B3GNT6: variants seen among roughly 807,000 people sequenced by gnomAD.
B3GNT6 encodes acetylgalactosaminyl-O-glycosyl-glycoprotein beta-1,3-N-acetylglucosaminyltransferase.
For synonymous variants in B3GNT6, 300 were observed against 270.0 expected, an observed-to-expected ratio of 1.11 and a Z score of -1.09; for missense variants, 624 against 568.6, an observed-to-expected ratio of 1.10 and a Z score of -0.99.
chr11:77,038,187 G>A (rs1428519357), intron 1 of B3GNT6, among the ~76,000 whole-genome samples: 1 of 144,628 alleles, frequency 6.9e-6, no homozygotes, highest in Non-Finnish European at 1.5e-5. Context: ...TATTAGAGAG[G>A]GGGAACTGAG....
In B3GNT6 at chr11:77,040,240, C is replaced by T. The variant is rs782288659; in HGVS notation, c.689C>T (p.Ala230Val). ...GACGACGACGTGTTCGTGCACACCG[C>T]CAACGTAGTCCGCTTCCTGCAGGCG... Reference protein sequence around the residue: ...SGDDDVFVHTANVVRFLQAQP... With the variant: ...SGDDDVFVHTVNVVRFLQAQP... Residue 230 changes from alanine to valine, a missense_variant, in exon 2 of 2, where the codon GCC (alanine) becomes GTC (valine). Ala to Val is a moderately conservative substitution (Grantham distance 64). Coordinates refer to ENST00000622824, the MANE Select transcript of B3GNT6 (RefSeq NM_138706.5). The T allele has an allele frequency of 2.6e-5, 42 of 1,598,788 alleles. No homozygotes were observed. The highest frequency in any genetic ancestry group is 5.3e-5 in the African/African-American group (4 of 74,920).
chr11:77,039,725 C>T lies in B3GNT6; in HGVS notation c.174C>T (p.Asp58=), dbSNP rs781837961. 2 of 1,605,360 alleles carry T rather than the reference C, an allele frequency of 1.2e-6. No homozygotes were observed. Among genetic ancestry groups the T allele is most frequent in the Middle Eastern group, 1.7e-4 (1 of 5,862 alleles). Residue 58 remains aspartate, a synonymous_variant, in exon 2 of 2, where the codon GAC becomes GAT. Transcript: ENST00000622824. ...PEGPTDAPAA[D]EPPSELVPGP... is the part of the protein sequence containing the mutation. ...GTCCCACCGACGCTCCCGCGGCTGA[C>T]GAGCCGCCCTCGGAGCTCGTCCCCG...
At position 77,040,912 on chromosome 11, in the gene B3GNT6, AC is replaced by A; in HGVS notation, c.*209del. 1.3e-6 allele frequency: 1 copy of A among 764,928 alleles called. No individual in the cohort carries two copies. The allele number at this position is 764,928 out of a possible 1,614,324, so 47.4% of individuals were successfully genotyped here. ...TTTCGATTTGATTAGTCTGGGGTGG[AC>A]CCAGACATGTTAAGTATTTTTTAAG... On this transcript the variant is annotated 3_prime_UTR_variant, in exon 2 of 2. Transcript: ENST00000622824.
At position 77,040,769 on chromosome 11, in the gene B3GNT6, C is replaced by G. The variant is rs72949250; in HGVS notation, c.*63C>G. ...TGTCCATGCTGAGAAGGCAGCTTTC[C>G]CGCTCTGGGTACCTTACGTCCTGCC... On this transcript the variant is annotated 3_prime_UTR_variant, in exon 2 of 2. Transcript: ENST00000622824. 8.1e-5 allele frequency: 121 copies of G among 1,491,324 alleles called. No individual in the cohort carries two copies. The highest frequency in any genetic ancestry group is 1.1e-4 in the Non-Finnish European group (119 of 1,128,178). The allele number at this position is 1,491,324 out of a possible 1,614,324, so 92.4% of individuals were successfully genotyped here.
In B3GNT6 at chr11:77,040,539, C is replaced by T. The variant is rs1489924530; in HGVS notation, c.988C>T (p.Arg330Ter). 6 of 1,571,218 alleles carry T rather than the reference C, an allele frequency of 3.8e-6. No individual in the cohort carries two copies. The African/African-American group carries it at 5.4e-5, about 14-fold the overall frequency. Residue 330 changes from arginine to a stop codon, truncating the protein, a stop_gained, in exon 2 of 2, where the codon CGA (arginine) becomes TGA (stop). Coordinates refer to ENST00000622824, the MANE Select transcript of B3GNT6 (RefSeq NM_138706.5). LOFTEE classifies it low-confidence loss of function (END_TRUNC). The stretch of plus-strand genomic sequence containing the variant: ...GGCGCCCAGCGGCCACGAGGGCATC[C>T]GACCCTTCGGCGTGCAGCTGCCTGG... ...GLAPSGHEGI[R>*]PFGVQLPGAQ...
chr11:77,039,486 ACGGGTGGTGTC>A, intron 1 of B3GNT6, 55 bp from the exon 2 acceptor site: 1 of 1,516,726 alleles, frequency 6.6e-7, no homozygotes, highest in Non-Finnish European at 8.8e-7. Flanking sequence ...GTGACGGGGT[ACGGGTGGTGTC>A]CTGCCGGTGT....
chr11:77,041,956 CAA>C lies in B3GNT6; in HGVS notation c.*1266_*1267del, dbSNP rs34049682. Reference sequence around the variant, plus strand: ...TGGGCGACAGAGCAAGACTGCATCTCAAAAAAAAAAAAAAAAAGGAGAGTTTG... The same window carrying C: ...TGGGCGACAGAGCAAGACTGCATCTCAAAAAAAAAAAAAAAGGAGAGTTTG... On this transcript the variant is annotated 3_prime_UTR_variant, in exon 2 of 2. Coordinates refer to ENST00000622824, the MANE Select transcript of B3GNT6 (RefSeq NM_138706.5). 30 of 98,520 alleles carry C rather than the reference CAA, an allele frequency of 3.0e-4. No homozygotes were observed. The highest frequency in any genetic ancestry group is 3.4e-4 in the Non-Finnish European group (16 of 46,708). The allele number at this position is 98,520 out of a possible 1,614,324, so 6.1% of individuals were successfully genotyped here.
rs1555027734 is a variant in B3GNT6, at chr11:77,040,397, C to T, written c.846C>T (p.Gly282=). The T allele has an allele frequency of 4.6e-6, 7 of 1,531,712 alleles. No individual in the cohort carries two copies. Among genetic ancestry groups the T allele is most frequent in the Non-Finnish European group, 5.2e-6 (6 of 1,144,940 alleles). The allele number at this position is 1,531,712 out of a possible 1,614,324, so 94.9% of individuals were successfully genotyped here. A position where few individuals can be genotyped will look rare whatever the true frequency, so the allele number is the denominator to read the frequency against. The change falls in exon 2 of 2, where the codon GGC becomes GGT. Residue 282 remains glycine (G), a synonymous_variant. Coordinates refer to ENST00000622824, the MANE Select transcript of B3GNT6 (RefSeq NM_138706.5). ...PGSAYPVYCS[G]GGFLLSGPTA... The stretch of plus-strand genomic sequence containing the variant: ...CCGCTTACCCGGTGTACTGCAGCGG[C>T]GGCGGCTTCCTCCTGTCCGGCCCCA...
chr11:77,037,273 C>A (rs990796933), intron 1 of B3GNT6: 1 of 152,082 alleles, frequency 6.6e-6, no homozygotes, highest in South Asian at 2.1e-4. Flanking sequence ...TTTGGATCAA[C>A]CTGTTGATAG....
Position 77,035,123 on chromosome 11 carries a change from A to T in B3GNT6, c.-1+645A>T, listed in dbSNP as rs527613545. The stretch of plus-strand genomic sequence containing the variant: ...GCACTGAGTCGAGAAAAAGAAAAAG[A>T]AAGGGGAATTCTAGGCAGAGTGAAT... On this transcript the variant is annotated intron_variant, in intron 1 of 1. Transcript: ENST00000622824. Among the ~76,000 whole-genome samples, 519 of 152,140 alleles carry T rather than the reference A, an allele frequency of 3.4e-3. 4 individuals carry two copies. The highest frequency in any genetic ancestry group is 0.012 in the African/African-American group (492 of 41,572).
chr11:77,040,195 C>T lies in B3GNT6; in HGVS notation c.644C>T (p.Ala215Val). The T allele has an allele frequency of 6.3e-7, 1 of 1,599,318 alleles. No homozygotes were observed. Among genetic ancestry groups the T allele is most frequent in the Non-Finnish European group, 8.5e-7 (1 of 1,179,480 alleles). Residue 215 changes from alanine (A) to valine (V), a missense_variant, in exon 2 of 2, where the codon GCG becomes GTG. Coordinates refer to ENST00000622824, the MANE Select transcript of B3GNT6 (RefSeq NM_138706.5). ...TGGCTGGCTGCACGCTGCCCGCACGCGCGCTTTCTGCTCAGCGGCGACGAC... is the reference window on the plus strand; with the variant it reads ...TGGCTGGCTGCACGCTGCCCGCACGTGCGCTTTCTGCTCAGCGGCGACGAC... ...LDWLAARCPH[A>V]RFLLSGDDDV...
rs200446406 is a variant in B3GNT6, at chr11:77,040,195, C to G, written c.644C>G (p.Ala215Gly). 138 of 1,599,318 alleles carry G rather than the reference C, an allele frequency of 8.6e-5. 1 individual carries two copies. In the African/African-American group the frequency reaches 1.7e-3, roughly 20 times the overall value. The change falls in exon 2 of 2, where the codon GCG (alanine) becomes GGG (glycine). Residue 215 changes from alanine (A) to glycine (G), a missense_variant. Coordinates refer to ENST00000622824, the MANE Select transcript of B3GNT6 (RefSeq NM_138706.5). ...TGGCTGGCTGCACGCTGCCCGCACGCGCGCTTTCTGCTCAGCGGCGACGAC... is the reference window on the plus strand; with the variant it reads ...TGGCTGGCTGCACGCTGCCCGCACGGGCGCTTTCTGCTCAGCGGCGACGAC... ...LDWLAARCPHARFLLSGDDDV... is the reference protein window; with the variant it reads ...LDWLAARCPHGRFLLSGDDDV...
At chr11:77,035,429 GAGTTGCCCAA>G (rs1949626210) in intron 1 of B3GNT6, among the ~76,000 whole-genome samples, 1 of 152,224 alleles carries the variant, frequency 6.6e-6, no homozygotes, top group Non-Finnish European at 1.5e-5. Flanking sequence ...TGAGATAAAG[GAGTTGCCCAA>G]AGTCTCACAA....
In B3GNT6 at chr11:77,040,588, C is replaced by T. The variant is rs1565242100; in HGVS notation, c.1037C>T (p.Pro346Leu). 1 of 1,594,412 alleles carries T rather than the reference C, an allele frequency of 6.3e-7. No individual in the cohort carries two copies. The highest frequency in any genetic ancestry group is 8.5e-7 in the Non-Finnish European group (1 of 1,177,298). ...GGCGCACAGCAGTCCTCCTTCGACC[C>T]CTGCATGTACCGCGAGTTGCTGCTA... is the stretch of plus-strand genomic sequence containing the variant. The part of the protein sequence containing the change: ...LPGAQQSSFD[P>L]CMYRELLLVH... Residue 346 changes from proline to leucine, a missense_variant, in exon 2 of 2, where the codon CCC (proline) becomes CTC (leucine). Physicochemically the swap from Pro to Leu is moderately conservative, Grantham distance 98. Transcript: ENST00000622824.
Position 77,039,836 on chromosome 11 carries a change from CCG to C in B3GNT6, c.287_288del (p.Arg96ProfsTer32). The C allele has an allele frequency of 1.3e-6, 2 of 1,575,324 alleles. No homozygotes were observed. Among genetic ancestry groups the C allele is most frequent in the Non-Finnish European group, 1.7e-6 (2 of 1,167,974 alleles). ...PARIQDFLRY[R>X]HCRHFPLLWD... ...CGCGCATCCAGGACTTCCTGCGGTA[CCG>C]CCACTGCCGCCACTTCCCGCTGCTT... is the stretch of plus-strand genomic sequence containing the variant. On this transcript the variant is annotated frameshift_variant, in exon 2 of 2. Transcript: ENST00000622824. LOFTEE classifies it low-confidence loss of function (END_TRUNC).
intron 1 of B3GNT6, among the ~76,000 whole-genome samples, chr11:77,035,714 C>T (rs79542530): frequency 6.6e-6 from 1 of 152,368 alleles, no homozygotes; most frequent in African/African-American, 2.4e-5. Flanking sequence ...CAATACTTCA[C>T]AGCAAGTCAA....
intron 1 of B3GNT6, among the ~76,000 whole-genome samples, chr11:77,037,698 C>T (rs1555027077): frequency 6.6e-6 from 1 of 151,100 alleles, no homozygotes; most frequent in Non-Finnish European, 1.5e-5. Flanking sequence ...ATCACTTGAG[C>T]CCAAGAGTTT....
chr11:77,036,849 C>T (rs950302904), intron 1 of B3GNT6, among the ~76,000 whole-genome samples: 1 of 152,226 alleles, frequency 6.6e-6, no homozygotes, highest in Non-Finnish European at 1.5e-5. Flanking sequence ...AAAATGCTTA[C>T]AGCCTAGGAG....
At position 77,040,495 on chromosome 11, in the gene B3GNT6, G is replaced by C; in HGVS notation, c.944G>C (p.Cys315Ser). 1 of 1,541,852 alleles carries C rather than the reference G, an allele frequency of 6.5e-7. No individual in the cohort carries two copies. Among genetic ancestry groups the C allele is most frequent in the African/African-American group, 1.4e-5 (1 of 73,316 alleles). ...ATCGACGACGCCTACATGGGCATGT[G>C]TCTGGAGCGCGCCGGCCTGGCGCCC... is the stretch of plus-strand genomic sequence containing the variant. ...FPIDDAYMGM[C>S]LERAGLAPSG... is the part of the protein sequence containing the mutation. The change falls in exon 2 of 2, where the codon TGT becomes TCT. Residue 315 changes from cysteine (C) to serine (S), a missense_variant. Physicochemically the swap from Cys to Ser is moderately radical, Grantham distance 112 (BLOSUM62 -1). Coordinates refer to ENST00000622824, the MANE Select transcript of B3GNT6 (RefSeq NM_138706.5).
Sources: gnomAD v4.1 joint callset for allele counts (sites outside exome capture counted in the v4.1 genomes callset) on GRCh38, gnomAD v4.1.1 for gene constraint, MANE v1.5 for transcripts, NCBI Gene and HGNC (gene_info 2026-07-23, HGNC 2026-07-21) for gene names.